Variants in GARRE1 observed in about 807,000 individuals in gnomAD.
GARRE1 encodes granule associated Rac and RHOG effector 1, also known as granule associated Rac and RHOG effector protein 1.
GARRE1 carries 49 observed loss-of-function variants against 103.2 expected under a neutral mutation model. The ratio of observed to expected loss-of-function variants is 0.47; its 90% CI spans 0.38 to 0.60. The LOEUF (loss-of-function observed/expected upper bound fraction) is 0.60, where lower values mean the gene tolerates loss of function less well. Ranked by LOEUF, GARRE1 falls within the 20% of genes least tolerant of loss-of-function variation. GARRE1 has a pLI of 0.00. For synonymous variants in GARRE1, 505 were observed against 532.8 expected, an observed-to-expected ratio of 0.95 and a Z score of 0.72; for missense variants, 1,199 against 1,370.5, an observed-to-expected ratio of 0.87 and a Z score of 1.98.
chr19:34,318,625 G>A (rs2074070841), intron 2 of GARRE1, among the ~76,000 whole-genome samples: 1 of 152,228 alleles, frequency 6.6e-6, no homozygotes, highest in Admixed American at 6.5e-5. Context: ...AAAGGTTTTT[G>A]TTGGTATTAT....
chr19:34,259,843 TC>T (rs2073704524), intron 1 of GARRE1, among the ~76,000 whole-genome samples: 1 of 152,140 alleles, frequency 6.6e-6, no homozygotes, highest in African/African-American at 2.4e-5. Context: ...ATGAGCAGTT[TC>T]CCCCATGCTA....
chr19:34,264,300 T>C (rs2073737756), intron 1 of GARRE1, among the ~76,000 whole-genome samples: 1 of 152,178 alleles, frequency 6.6e-6, no homozygotes, highest in African/African-American at 2.4e-5. Context: ...TTTTTCCATG[T>C]TGTGTGTCCC....
intron 1 of GARRE1, among the ~76,000 whole-genome samples, chr19:34,284,311 G>A (rs1438703097): frequency 6.6e-6 from 1 of 151,854 alleles, no homozygotes; most frequent in Non-Finnish European, 1.5e-5. Flanking sequence ...TTTTAGTAGA[G>A]ACAGGGTTTC....
At chr19:34,276,847 A>C (rs1016336329) in intron 1 of GARRE1, among the ~76,000 whole-genome samples, 1 of 151,852 alleles carries the variant, frequency 6.6e-6, no homozygotes, top group Non-Finnish European at 1.5e-5. Flanking sequence ...GTGAGAATCC[A>C]GCTGTGAACA....
intron 1 of GARRE1, among the ~76,000 whole-genome samples, chr19:34,264,156 G>T (rs1223630296): frequency 5.3e-5 from 8 of 152,200 alleles, no homozygotes. Context: ...AGAGCATGCA[G>T]CTAATGACAG....
In GARRE1 at chr19:34,330,223, G is replaced by T. The variant is rs1443831883; in HGVS notation, c.1139G>T (p.Cys380Phe). The T allele has an allele frequency of 6.2e-7, 1 of 1,614,020 alleles. No homozygotes were observed. Among genetic ancestry groups the T allele is most frequent in the African/African-American group, 1.3e-5 (1 of 74,932 alleles). The change falls in exon 7 of 14, where the codon TGC becomes TTC. Residue 380 changes from cysteine to phenylalanine, a missense_variant. By Grantham distance (205) the Cys-to-Phe change is radical. Coordinates refer to ENST00000299505, the MANE Select transcript of GARRE1 (RefSeq NM_014686.5). ...TTACAGCTGATGAAGGAGGCAGGCTGCTATAATGGAATCACATCCAGGGAT... is the reference window on the plus strand; with the variant it reads ...TTACAGCTGATGAAGGAGGCAGGCTTCTATAATGGAATCACATCCAGGGAT... ...TMLQLMKEAGCYNGITSRDDF... is the reference protein window; with the variant it reads ...TMLQLMKEAGFYNGITSRDDF...
intron 1 of GARRE1, among the ~76,000 whole-genome samples, chr19:34,298,484 G>C (rs894233835): frequency 1.3e-5 from 2 of 151,382 alleles, no homozygotes; most frequent in East Asian, 1.9e-4. Context: ...AGGCCGAGAC[G>C]GGTGGATCAC....
Position 34,352,875 on chromosome 19 carries a change from G to A in GARRE1, c.3133G>A (p.Ala1045Thr). 2 of 1,275,646 alleles carry A rather than the reference G, an allele frequency of 1.6e-6. No homozygotes were observed. The highest frequency in any genetic ancestry group is 1.2e-5 in the South Asian group (1 of 84,648). 79.0% of individuals were successfully genotyped at this position (1,275,646 alleles called of 1,614,324 possible). ...CCCACCCCAGCCCCCACCCCCACCA[G>A]CACACAAGGCAGCACCCAAGGGCTT... Reference protein sequence around the residue: ...QTPPQPPPPPAHKAAPKGFKA... With the variant: ...QTPPQPPPPPTHKAAPKGFKA... The change falls in exon 14 of 14, where the codon GCA becomes ACA. Residue 1045 changes from alanine (A) to threonine (T), a missense_variant. Ala to Thr is a moderately conservative substitution (Grantham distance 58, BLOSUM62 0). Transcript: ENST00000299505.
chr19:34,304,188 TG>T (rs1419846007), intron 2 of GARRE1, among the ~76,000 whole-genome samples: 10 of 151,924 alleles, frequency 6.6e-5, no homozygotes, highest in African/African-American at 2.4e-4. Context: ...CCTCCTGGGT[TG>T]AAGCAATTCT....
At chr19:34,304,670 G>A (rs967435758) in intron 2 of GARRE1, among the ~76,000 whole-genome samples, 3 of 151,922 alleles carry the variant, frequency 2.0e-5, no homozygotes, top group Non-Finnish European at 4.4e-5. Flanking sequence ...TAGCCACCAC[G>A]CCCAGCCATC....
At chr19:34,307,838 G>A (rs2074017924) in intron 2 of GARRE1, among the ~76,000 whole-genome samples, 1 of 134,266 alleles carries the variant, frequency 7.4e-6, no homozygotes, top group South Asian at 2.3e-4. Flanking sequence ...TTAGAGATTA[G>A]GCCTTGCCAT....
chr19:34,298,470 T>C (rs1190921962), intron 1 of GARRE1, among the ~76,000 whole-genome samples: 2 of 150,656 alleles, frequency 1.3e-5, no homozygotes, highest in Non-Finnish European at 2.9e-5. Context: ...CCCAGCACTT[T>C]GGGAGGCCGA....
chr19:34,326,056 C>G (rs117704556), intron 3 of GARRE1, among the ~76,000 whole-genome samples: 2,226 of 152,342 alleles, frequency 0.015, 24 homozygotes, highest in South Asian at 0.026. Flanking sequence ...CCCTGAGGCT[C>G]TCAGCTCCAG....
At chr19:34,327,739 G>A (rs756311748) in intron 4 of GARRE1, 32 bp from the exon 5 acceptor site, 19 of 1,581,996 alleles carry the variant, frequency 1.2e-5, no homozygotes, top group Admixed American at 1.7e-5. Flanking sequence ...TTTGCTTTAC[G>A]ATCTTGATTG....
chr19:34,334,873 G>C (rs995001328), intron 8 of GARRE1, among the ~76,000 whole-genome samples: 1 of 152,054 alleles, frequency 6.6e-6, no homozygotes, highest in African/African-American at 2.4e-5. Context: ...GGCCAACATG[G>C]TGAAACCCTG....
At chr19:34,291,879 A>G (rs1284650436) in intron 1 of GARRE1, among the ~76,000 whole-genome samples, 1 of 139,068 alleles carries the variant, frequency 7.2e-6, no homozygotes, top group Non-Finnish European at 1.5e-5. Context: ...TTTTTTTTTG[A>G]GACAGAGTCT....
intron 1 of GARRE1, among the ~76,000 whole-genome samples, chr19:34,269,085 C>T (rs755341721): frequency 2.0e-5 from 3 of 152,140 alleles, no homozygotes; most frequent in Non-Finnish European, 4.4e-5. Flanking sequence ...AAAAGTTGTT[C>T]TTCTGCTTAA....
intron 6 of GARRE1, among the ~76,000 whole-genome samples, chr19:34,329,581 A>G (rs1013913493): frequency 1.3e-5 from 2 of 152,184 alleles, no homozygotes; most frequent in African/African-American, 4.8e-5. Context: ...CATGCCTGTA[A>G]TCCCAGCACT....
intron 9 of GARRE1, 77 bp from the exon 10 acceptor site, chr19:34,341,345 C>T (rs1261408781): frequency 7.0e-6 from 9 of 1,281,530 alleles, no homozygotes; most frequent in South Asian, 5.7e-5. Context: ...CAACGCCATT[C>T]TTAAATACAA....
Sources: gnomAD v4.1 joint callset for allele counts (sites outside exome capture counted in the v4.1 genomes callset) on GRCh38, gnomAD v4.1.1 for gene constraint, MANE v1.5 for transcripts, NCBI Gene and HGNC (gene_info 2026-07-23, HGNC 2026-07-21) for gene names.